The following RBFOX1 variants were observed in gnomAD, a reference collection of about 807,000 sequenced individuals.
RBFOX1 encodes RNA binding protein fox-1 homolog 1.
A neutral mutation model predicts 57.7 loss-of-function variants in RBFOX1; 8 were observed. That is an observed-to-expected ratio of 0.14 (90% CI 0.08 to 0.25). The LOEUF (loss-of-function observed/expected upper bound fraction) is 0.25. Among genes scored for constraint, RBFOX1 ranks in the 10% least tolerant of loss-of-function variants. The pLI is 1.00. For synonymous variants in RBFOX1, 326 were observed against 222.4 expected, an observed-to-expected ratio of 1.47 and a Z score of -4.15; for missense variants, 611 against 548.5, an observed-to-expected ratio of 1.11 and a Z score of -1.14.
rs551200619 is a variant in RBFOX1, at chr16:5,328,009, C to T, written c.219+87904C>T. 7.2e-5 allele frequency among the ~76,000 whole-genome samples: 11 copies of T among 152,274 alleles called. No individual in the cohort carries two copies. In the South Asian group the frequency reaches 2.1e-3, roughly 29 times the overall value. ...AGAGGTATTTTGGAAGAGCTGAAGACCCCGTGTAGTGACTGAAAGTCCTAA... is the reference window on the plus strand; with the variant it reads ...AGAGGTATTTTGGAAGAGCTGAAGATCCCGTGTAGTGACTGAAAGTCCTAA... On this transcript the variant is annotated intron_variant, in intron 1 of 2. Coordinates refer to the RBFOX1 transcript ENST00000585867.
At chr16:7,489,532 G>A (rs541444277) in intron 4 of RBFOX1, among the ~76,000 whole-genome samples, 9 of 151,582 alleles carry the variant, frequency 5.9e-5, no homozygotes, top group East Asian at 3.9e-4. Context: ...TTTTGAGATA[G>A]AGTCTTGCTC....
rs184196305 is a variant in RBFOX1, at chr16:6,718,331, A to G, written c.-16+63681A>G. Among the ~76,000 whole-genome samples, 144 of 152,336 alleles carry G rather than the reference A, an allele frequency of 9.5e-4. 2 individuals are homozygous for G. The highest frequency in any genetic ancestry group is 8.8e-3 in the Admixed American group (134 of 15,304). ...TGCCCTTGTCTTTAGTAAATACACT[A>G]CAACTTGTATATTTTAGTGGGAGAG... On this transcript the variant is annotated intron_variant, in intron 3 of 15. Transcript: ENST00000550418.
intron 4 of RBFOX1, among the ~76,000 whole-genome samples, chr16:5,897,016 C>T (rs1421087705): frequency 1.8e-5 from 1 of 56,460 alleles, no homozygotes; most frequent in African/African-American, 7.7e-5. Context: ...TATCCATCCG[C>T]TTTTTTTTTT....
At chr16:6,599,283 AC>A (rs1202536708) in intron 2 of RBFOX1, among the ~76,000 whole-genome samples, 1 of 152,178 alleles carries the variant, frequency 6.6e-6, no homozygotes, top group African/African-American at 2.4e-5. Flanking sequence ...ATAAAGCAAA[AC>A]CACATCTCTG....
At chr16:5,749,235 C>T (rs1233129260) in intron 3 of RBFOX1, among the ~76,000 whole-genome samples, 1 of 152,134 alleles carries the variant, frequency 6.6e-6, no homozygotes, top group African/African-American at 2.4e-5. Flanking sequence ...GAGAGATCTG[C>T]TGTTAGTCTA....
At chr16:7,116,003 A>G (rs1352659958) in intron 4 of RBFOX1, among the ~76,000 whole-genome samples, 3 of 152,176 alleles carry the variant, frequency 2.0e-5, no homozygotes, top group East Asian at 1.9e-4. Flanking sequence ...TGGAGTAACC[A>G]TTGTGCCAGG....
rs1021238456 is a variant in RBFOX1 at position 6,339,483 on chromosome 16, T to G, written c.-64+22426T>G. On this transcript the variant is annotated intron_variant, in intron 2 of 15. Transcript: ENST00000550418. ...AGGGTTCTTGGAGAGGGCTAAAATG[T>G]GGAGATCATTCATTGATCAAAGAGG... Among the ~76,000 whole-genome samples the G allele has an allele frequency of 7.2e-5, 11 of 152,208 alleles. No individual in the cohort carries two copies. In the East Asian group the frequency reaches 2.1e-3, roughly 29 times the overall value.
Position 6,939,125 on chromosome 16 carries a change from A to G in RBFOX1, c.-15-112932A>G, listed in dbSNP as rs144617750. Among the ~76,000 whole-genome samples, 813 of 152,226 alleles carry G rather than the reference A, an allele frequency of 5.3e-3. 4 individuals carry two copies. Among genetic ancestry groups the G allele is most frequent in the Middle Eastern group, 0.017 (5 of 294 alleles). On this transcript the variant is annotated intron_variant, in intron 3 of 15. Coordinates refer to ENST00000550418, the MANE Select transcript of RBFOX1 (RefSeq NM_018723.4). The stretch of plus-strand genomic sequence containing the variant: ...AACAGTGGCCCAGAAAAATTTAGCA[A>G]CCTGCCAAGGTCACACCACTAACTA...
chr16:7,472,481 C>G (rs1404816968), intron 4 of RBFOX1, among the ~76,000 whole-genome samples: 1 of 152,160 alleles, frequency 6.6e-6, no homozygotes, highest in Non-Finnish European at 1.5e-5. Context: ...ATGAAACTTG[C>G]AAAGAAAAGA....
At chr16:6,534,550 AG>A (rs2096709367) in intron 2 of RBFOX1, among the ~76,000 whole-genome samples, 2 of 152,308 alleles carry the variant, frequency 1.3e-5, no homozygotes, top group Non-Finnish European at 2.9e-5. Context: ...TTCACAGCAG[AG>A]GTGATACAGG....
chr16:6,891,346 C>G (rs113134133), intron 3 of RBFOX1, among the ~76,000 whole-genome samples: 435 of 152,224 alleles, frequency 2.9e-3, no homozygotes, highest in Non-Finnish European at 4.6e-3. Flanking sequence ...AATCTACTTG[C>G]CCATCGATAT....
chr16:6,471,080 A>C (rs1213598818), intron 2 of RBFOX1, among the ~76,000 whole-genome samples: 1 of 152,188 alleles, frequency 6.6e-6, no homozygotes, highest in Non-Finnish European at 1.5e-5. Flanking sequence ...GGCATGACAC[A>C]TGGGCCCCTT....
At chr16:6,297,939 A>T (rs1001693782) in intron 1 of RBFOX1, among the ~76,000 whole-genome samples, 2 of 152,152 alleles carry the variant, frequency 1.3e-5, no homozygotes, top group African/African-American at 4.8e-5. Context: ...TCAATAAAAC[A>T]CCTGCATTCA....
chr16:5,423,887 G>A (rs1463939773), intron 1 of RBFOX1, among the ~76,000 whole-genome samples: 1 of 152,158 alleles, frequency 6.6e-6, no homozygotes, highest in Non-Finnish European at 1.5e-5. Flanking sequence ...TTTTGTTCAA[G>A]CATCTCAGAG....
At chr16:7,064,289 C>T (rs1598497505) in intron 4 of RBFOX1, among the ~76,000 whole-genome samples, 2 of 151,758 alleles carry the variant, frequency 1.3e-5, no homozygotes, top group East Asian at 2.0e-4. Context: ...TTGCCTCAGC[C>T]TCCTGAGTAG....
At chr16:7,120,026 G>A (rs4558435) in intron 4 of RBFOX1, among the ~76,000 whole-genome samples, 97,496 of 151,840 alleles carry the variant, frequency 0.64, 31,655 homozygotes, top group East Asian at 0.87. Context: ...GAGTTAAGCT[G>A]GAAATCAGTA....
chr16:5,979,031 C>T (rs771557933), intron 4 of RBFOX1, among the ~76,000 whole-genome samples: 2 of 152,220 alleles, frequency 1.3e-5, no homozygotes, highest in Non-Finnish European at 2.9e-5. Flanking sequence ...CTCGCCTTCT[C>T]CTCCATTTTT....
chr16:6,223,110 T>G (rs2097388217), intron 1 of RBFOX1, among the ~76,000 whole-genome samples: 1 of 149,048 alleles, frequency 6.7e-6, no homozygotes, highest in South Asian at 2.2e-4. Flanking sequence ...TTGTTGTACA[T>G]TTGGGTTGGT....
intron 3 of RBFOX1, among the ~76,000 whole-genome samples, chr16:6,832,515 G>A (rs1388962552): frequency 3.3e-5 from 5 of 152,168 alleles, no homozygotes; most frequent in African/African-American, 1.2e-4. Context: ...TTGAGATGCT[G>A]CCTAATTGTA....
Sources: allele counts gnomAD v4.1 joint callset (sites outside exome capture counted in the v4.1 genomes callset), GRCh38; gene constraint gnomAD v4.1.1; transcripts MANE v1.5; gene names NCBI Gene and HGNC (gene_info 2026-07-23, HGNC 2026-07-21).